PTPRD: variants seen among roughly 807,000 people sequenced by gnomAD.
PTPRD encodes the protein protein tyrosine phosphatase receptor type D.
In PTPRD, 34 loss-of-function variants were observed where a neutral mutation model predicts 214.5. The ratio of observed to expected loss-of-function variants is 0.16; its 90% confidence interval spans 0.12 to 0.21. The LOEUF is 0.21. Ranked by LOEUF, PTPRD falls within the 10% of genes least tolerant of loss-of-function variation. PTPRD has a pLI of 1.00. For synonymous variants in PTPRD, 1,128 were observed against 845.7 expected, an observed-to-expected ratio of 1.33 and a Z score of -5.79; for missense variants, 2,545 against 2,398.7, an observed-to-expected ratio of 1.06 and a Z score of -1.27.
At chr9:8,435,726 C>A (rs2095318479) in intron 35 of PTPRD, among the ~76,000 whole-genome samples, 1 of 151,984 alleles carries the variant, frequency 6.6e-6, no homozygotes, top group South Asian at 2.1e-4. Flanking sequence ...CACACACACA[C>A]ACACGCACGC....
At chr9:9,559,564 T>G (rs1449222452) in intron 8 of PTPRD, among the ~76,000 whole-genome samples, 1 of 152,176 alleles carries the variant, frequency 6.6e-6, no homozygotes, top group Non-Finnish European at 1.5e-5. Flanking sequence ...CAATCCCAGG[T>G]AAGAGGGGCA....
At chr9:8,408,602 G>T (rs1396057039) in intron 35 of PTPRD, among the ~76,000 whole-genome samples, 1 of 152,180 alleles carries the variant, frequency 6.6e-6, no homozygotes, top group African/African-American at 2.4e-5. Flanking sequence ...AATTATCACA[G>T]AATTCACAAA....
At chr9:9,114,362 G>A (rs2099810135) in intron 10 of PTPRD, among the ~76,000 whole-genome samples, 1 of 152,082 alleles carries the variant, frequency 6.6e-6, no homozygotes, top group African/African-American at 2.4e-5. Flanking sequence ...CGTTTTTAGA[G>A]GCCTTAGCCT....
At chr9:10,133,505 G>A (rs1246655242) in intron 3 of PTPRD, among the ~76,000 whole-genome samples, 3 of 151,968 alleles carry the variant, frequency 2.0e-5, no homozygotes, top group East Asian at 1.9e-4. Context: ...TTATATATAA[G>A]TACATAAATG....
intron 3 of PTPRD, among the ~76,000 whole-genome samples, chr9:10,149,271 T>C (rs766982246): frequency 6.6e-6 from 1 of 152,140 alleles, no homozygotes; most frequent in Non-Finnish European, 1.5e-5. Context: ...AAACATAACA[T>C]CAACAACTCA....
intron 11 of PTPRD, among the ~76,000 whole-genome samples, chr9:8,835,467 T>C (rs1181116315): frequency 6.6e-6 from 1 of 152,228 alleles, no homozygotes; most frequent in African/African-American, 2.4e-5. Context: ...TGATTCAACC[T>C]CACCGCATAC....
intron 11 of PTPRD, among the ~76,000 whole-genome samples, chr9:8,757,578 G>A (rs1033403034): frequency 6.6e-6 from 1 of 150,550 alleles, no homozygotes; most frequent in African/African-American, 2.4e-5. Context: ...AGGAAAAGTA[G>A]TGATAGAGTT....
intron 43 of PTPRD, among the ~76,000 whole-genome samples, chr9:8,332,967 C>T (rs529133424): frequency 3.9e-5 from 6 of 152,114 alleles, no homozygotes; most frequent in African/African-American, 1.4e-4. Flanking sequence ...GGTAAGTGAA[C>T]AGGGACTCAA....
chr9:10,610,404 C>T (rs1485037344), intron 2 of PTPRD, among the ~76,000 whole-genome samples: 1 of 152,168 alleles, frequency 6.6e-6, no homozygotes, highest in African/African-American at 2.4e-5. Flanking sequence ...GTCTTCTCTA[C>T]TGTGTAAAAT....
chr9:9,905,382 TA>T lies in PTPRD; in HGVS notation c.-368+33124del, dbSNP rs552865496. 2.8e-4 allele frequency among the ~76,000 whole-genome samples: 43 copies of T among 152,010 alleles called. No individual in the cohort carries two copies. In the East Asian group the frequency reaches 7.1e-3, roughly 25 times the overall value. ...TAGTAAATGAACACTAAAGAGCATA[TA>T]AAATACATTCTAAATCTAAGTCTGC... On this transcript the variant is annotated intron_variant, in intron 5 of 45. Transcript: ENST00000381196.
intron 3 of PTPRD, among the ~76,000 whole-genome samples, chr9:10,283,880 G>A (rs963448238): frequency 1.3e-5 from 2 of 152,122 alleles, no homozygotes; most frequent in Admixed American, 1.3e-4. Context: ...AGTGTGACTA[G>A]AATTCACAAG....
At chr9:10,261,168 G>A (rs2093678232) in intron 3 of PTPRD, among the ~76,000 whole-genome samples, 1 of 150,178 alleles carries the variant, frequency 6.7e-6, no homozygotes, top group African/African-American at 2.4e-5. Context: ...TTAAAGACTG[G>A]ATCCAAAAGA....
intron 27 of PTPRD, among the ~76,000 whole-genome samples, chr9:8,487,678 T>C (rs2097056247): frequency 6.6e-6 from 1 of 152,026 alleles, no homozygotes; most frequent in South Asian, 2.1e-4. Context: ...GGTGTGGTGG[T>C]GCATGCCTGT....
At chr9:10,588,312 G>T (rs1293094567) in intron 2 of PTPRD, among the ~76,000 whole-genome samples, 1 of 151,790 alleles carries the variant, frequency 6.6e-6, no homozygotes, top group Non-Finnish European at 1.5e-5. Context: ...GCTTATGACA[G>T]GAACAAATAT....
chr9:10,421,749 G>C (rs570414865), intron 2 of PTPRD, among the ~76,000 whole-genome samples: 4 of 151,670 alleles, frequency 2.6e-5, no homozygotes, highest in African/African-American at 7.2e-5. Context: ...TGTTATTTTC[G>C]TTTACTTTAT....
chr9:9,407,737 T>C (rs1318641288), intron 8 of PTPRD, among the ~76,000 whole-genome samples: 1 of 151,776 alleles, frequency 6.6e-6, no homozygotes, highest in Non-Finnish European at 1.5e-5. Flanking sequence ...CCTCACATGA[T>C]TTTTGCAAGG....
intron 5 of PTPRD, among the ~76,000 whole-genome samples, chr9:9,861,370 A>C (rs1200212603): frequency 2.6e-5 from 4 of 152,002 alleles, no homozygotes; most frequent in Non-Finnish European, 5.9e-5. Context: ...GGCTCACTGC[A>C]ACCTCCGCCT....
chr9:8,723,788 A>G (rs2098527613), intron 12 of PTPRD, among the ~76,000 whole-genome samples: 1 of 152,178 alleles, frequency 6.6e-6, no homozygotes, highest in Non-Finnish European at 1.5e-5. Flanking sequence ...ATCTTTACAC[A>G]CAAAAAAACT....
rs144902092 is a variant in PTPRD, at chr9:8,977,939, A to C, written c.-104+40758T>G. Among the ~76,000 whole-genome samples, 258 of 152,218 alleles carry C rather than the reference A, an allele frequency of 1.7e-3. 1 individual carries two copies. The highest frequency in any genetic ancestry group is 5.6e-3 in the African/African-American group (232 of 41,556). ...TCTCAGTTACAAATATCCAATATTCAATTTTAAATTGTTTATACTGTTGTC... is the reference window on the plus strand; with the variant it reads ...TCTCAGTTACAAATATCCAATATTCCATTTTAAATTGTTTATACTGTTGTC... On this transcript the variant is annotated intron_variant, in intron 11 of 45. Transcript: ENST00000381196.
Sources: gnomAD v4.1 joint callset for allele counts (sites outside exome capture counted in the v4.1 genomes callset) on GRCh38, gnomAD v4.1.1 for gene constraint, MANE v1.5 for transcripts, NCBI Gene and HGNC (gene_info 2026-07-23, HGNC 2026-07-21) for gene names.